The following ZBTB44 variants were observed in gnomAD, a reference collection of about 807,000 sequenced individuals.
ZBTB44 encodes zinc finger and BTB domain containing 44, also known as zinc finger and BTB domain-containing protein 44.
A neutral mutation model predicts 54.0 loss-of-function variants in ZBTB44; 15 were observed. The observed-to-expected ratio is 0.28, with a 90% confidence interval of 0.19 to 0.43. ZBTB44 has a LOEUF of 0.43. Among genes scored for constraint, ZBTB44 ranks in the 20% least tolerant of loss-of-function variants. ZBTB44 has a pLI of 1.00. For missense variants in ZBTB44, 487 were observed against 707.1 expected (o/e 0.69, Z 3.53); for synonymous variants, 230 against 250.1 (o/e 0.92, Z 0.76).
At chr11:130,283,409 C>T (rs1013360191) in intron 1 of ZBTB44, among the ~76,000 whole-genome samples, 3 of 152,086 alleles carry the variant, frequency 2.0e-5, no homozygotes, top group Admixed American at 6.6e-5. Flanking sequence ...GTTGTGCAAC[C>T]ATTTCCTATT....
chr11:130,276,424 T>C (rs1048333873), intron 1 of ZBTB44, among the ~76,000 whole-genome samples: 3 of 151,172 alleles, frequency 2.0e-5, no homozygotes, highest in Admixed American at 6.6e-5. Flanking sequence ...TAATTTTCTA[T>C]ACGTTTCTTT....
At chr11:130,298,565 C>T (rs888109607) in intron 1 of ZBTB44, among the ~76,000 whole-genome samples, 14 of 150,032 alleles carry the variant, frequency 9.3e-5, no homozygotes, top group African/African-American at 3.0e-4. Context: ...TGGGTTCAAG[C>T]GATTCTCCTG....
At chr11:130,256,235 C>G (rs980348728) in intron 2 of ZBTB44, among the ~76,000 whole-genome samples, 1 of 152,196 alleles carries the variant, frequency 6.6e-6, no homozygotes, top group Non-Finnish European at 1.5e-5. Context: ...TATCAAAAAG[C>G]TTATCCACCA....
intron 1 of ZBTB44, among the ~76,000 whole-genome samples, chr11:130,268,309 A>C (rs74415696): frequency 1.3e-5 from 2 of 151,954 alleles, no homozygotes; most frequent in African/African-American, 4.8e-5. Context: ...CTCATTAAAC[A>C]AACTGCCACA....
rs754881379 is a variant in ZBTB44, at chr11:130,238,622, C to A, written c.1104-15G>T. ...CATTTTCCAATCTAAAAAAAACAGA[C>A]CAAAGAAGGCAACCAGGCTCTGATT... On this transcript the variant is annotated splice_polypyrimidine_tract_variant and intron_variant, in intron 3 of 7. Coordinates refer to ENST00000357899, the MANE Select transcript of ZBTB44 (RefSeq NM_001301098.2). 2 of 1,602,120 alleles carry A rather than the reference C, an allele frequency of 1.2e-6. No homozygotes were observed. The highest frequency in any genetic ancestry group is 2.7e-5 in the African/African-American group (2 of 74,358).
At chr11:130,276,232 C>CAAAAAAAAAAAAA (rs757286125) in intron 1 of ZBTB44, among the ~76,000 whole-genome samples, 554 of 31,700 alleles carry the variant, frequency 0.017, 34 homozygotes, top group Middle Eastern at 0.05. Context: ...AACTCTGTCT[C>CAAAAAAAAAAAAA]AAAAAAAAAA....
chr11:130,263,747 C>T lies in ZBTB44; in HGVS notation c.-56-1818G>A, dbSNP rs111819000. ...GTTACATCCACCTTCAGTCATCTTCCGTGTTCAAAGAGTAGATATGAAAAG... is the reference window on the plus strand; with the variant it reads ...GTTACATCCACCTTCAGTCATCTTCTGTGTTCAAAGAGTAGATATGAAAAG... On this transcript the variant is annotated intron_variant, in intron 1 of 7. Transcript: ENST00000357899. 7.7e-3 allele frequency among the ~76,000 whole-genome samples: 1,167 copies of T among 152,218 alleles called. 22 individuals carry two copies. Among genetic ancestry groups the T allele is most frequent in the African/African-American group, 0.027 (1,107 of 41,536 alleles).
At chr11:130,254,457 A>G (rs564697910) in intron 2 of ZBTB44, among the ~76,000 whole-genome samples, 97 of 152,390 alleles carry the variant, frequency 6.4e-4, no homozygotes, top group African/African-American at 2.1e-3. Flanking sequence ...TTATGTAGCC[A>G]AAAGACACAT....
At chr11:130,257,027 A>G (rs1422299696) in intron 2 of ZBTB44, among the ~76,000 whole-genome samples, 1 of 152,088 alleles carries the variant, frequency 6.6e-6, no homozygotes, top group Non-Finnish European at 1.5e-5. Flanking sequence ...AGAAAACCCC[A>G]CTGTCTCTGC....
intron 2 of ZBTB44, among the ~76,000 whole-genome samples, chr11:130,249,881 G>A (rs1425037019): frequency 1.3e-5 from 2 of 152,132 alleles, no homozygotes; most frequent in East Asian, 1.9e-4. Context: ...CACCAGTGGT[G>A]CCTGGAACCA....
Position 130,230,415 on chromosome 11 carries a change from T to TG in ZBTB44, c.*1348_*1349insC, listed in dbSNP as rs1344917510. On this transcript the variant is annotated 3_prime_UTR_variant, in exon 8 of 8. Transcript: ENST00000357899. ...CAAAGTATTTTAACAAGATGAAAGTTTTTTTTTTTTTTTTTTTTTGCTAGT... is the reference window on the plus strand; with the variant it reads ...CAAAGTATTTTAACAAGATGAAAGTTGTTTTTTTTTTTTTTTTTTTGCTAGT... 2 of 141,524 alleles carry TG rather than the reference T, an allele frequency of 1.4e-5. No individual in the cohort carries two copies. Among genetic ancestry groups the TG allele is most frequent in the African/African-American group, 5.7e-5 (2 of 35,242 alleles). 8.8% of individuals were successfully genotyped at this position (141,524 alleles called of 1,614,324 possible). A position where few individuals can be genotyped will look rare whatever the true frequency, so the allele number is the denominator to read the frequency against.
intron 2 of ZBTB44, among the ~76,000 whole-genome samples, chr11:130,242,254 C>T (rs988403011): frequency 3.3e-5 from 5 of 152,110 alleles, no homozygotes; most frequent in African/African-American, 1.2e-4. Context: ...AAGTTAAAAC[C>T]TTTACTTCCT....
At position 130,261,692 on chromosome 11, in the gene ZBTB44, A is replaced by G. The variant is rs761337426; in HGVS notation, c.182T>C (p.Val61Ala). ...CTTGTTCTCATCCTCGGCTTGGCCTACAAGTTTGGTGCGAAAGAAATCACT... is the reference window on the plus strand; with the variant it reads ...CTTGTTCTCATCCTCGGCTTGGCCTGCAAGTTTGGTGCGAAAGAAATCACT... Reference protein sequence around the residue: ...ACSDFFRTKLVGQAEDENKNV... With the variant: ...ACSDFFRTKLAGQAEDENKNV... The change falls in exon 2 of 8, where the codon GTA becomes GCA. Residue 61 changes from valine to alanine, a missense_variant. Val to Ala is a moderately conservative substitution (Grantham distance 64, BLOSUM62 0). This residue lies in a region of ZBTB44 where 90 missense variants were observed against 160.3 expected (regional missense o/e 0.56). Transcript: ENST00000357899. The surrounding 1 kb of genome is among the most constrained non-coding windows in gnomAD (Gnocchi z 4.8). 4.3e-6 allele frequency: 7 copies of G among 1,613,938 alleles called. No individual in the cohort carries two copies. In the African/African-American group the frequency reaches 5.3e-5, roughly 12 times the overall value.
intron 1 of ZBTB44, among the ~76,000 whole-genome samples, chr11:130,297,809 AGTTT>A (rs1941740744): frequency 1.3e-5 from 2 of 152,232 alleles, no homozygotes; most frequent in South Asian, 2.1e-4. Context: ...ACTTCGTCAT[AGTTT>A]GTTACGGCAC....
intron 2 of ZBTB44, among the ~76,000 whole-genome samples, chr11:130,255,522 A>G (rs1260631747): frequency 6.6e-6 from 1 of 152,206 alleles, no homozygotes; most frequent in Non-Finnish European, 1.5e-5. Flanking sequence ...AACAAATTCA[A>G]AAGCTAGCAG....
intron 1 of ZBTB44, among the ~76,000 whole-genome samples, chr11:130,306,180 T>C (rs1029447218): frequency 7.9e-5 from 12 of 152,126 alleles, no homozygotes; most frequent in African/African-American, 2.9e-4. Context: ...GTACAACCAC[T>C]ATGAAAAACA....
chr11:130,271,158 G>C (rs995295191), intron 1 of ZBTB44, among the ~76,000 whole-genome samples: 1 of 152,214 alleles, frequency 6.6e-6, no homozygotes, highest in East Asian at 1.9e-4. Context: ...GTCTGGTTTT[G>C]CTATATAAAA....
intron 1 of ZBTB44, among the ~76,000 whole-genome samples, chr11:130,283,217 T>G (rs1940668986): frequency 6.6e-6 from 1 of 151,936 alleles, no homozygotes; most frequent in African/African-American, 2.4e-5. Flanking sequence ...CTAATTTTTT[T>G]GTATTTTTAG....
intron 2 of ZBTB44, among the ~76,000 whole-genome samples, chr11:130,254,634 A>C (rs1938292636): frequency 6.6e-6 from 1 of 152,202 alleles, no homozygotes; most frequent in East Asian, 1.9e-4. Context: ...GTGGGACTGT[A>C]AACTGGTTCA....
Sources: gnomAD v4.1 joint callset for allele counts (sites outside exome capture counted in the v4.1 genomes callset) on GRCh38, gnomAD v4.1.1 for gene constraint, gnomAD v4.1.1 regional missense constraint, Gnocchi (gnomAD v3.1) non-coding constraint, MANE v1.5 for transcripts, NCBI Gene and HGNC (gene_info 2026-07-23, HGNC 2026-07-21) for gene names.